The following BTBD9 variants were observed in gnomAD, a reference collection of about 807,000 sequenced individuals.
The protein encoded by BTBD9 is BTB/POZ domain-containing protein 9.
A neutral mutation model predicts 64.3 loss-of-function variants in BTBD9; 49 were observed. That is an observed-to-expected ratio of 0.76 (90% CI 0.61 to 0.97). The LOEUF is 0.97. Among genes scored for constraint, BTBD9 ranks in the 50% least tolerant of loss-of-function variants. The pLI, the probability that BTBD9 is intolerant of heterozygous loss-of-function variation, is 0.00. For synonymous variants in BTBD9, 260 were observed against 274.7 expected (o/e 0.95, Z 0.53); for missense variants, 598 against 762.1 (o/e 0.78, Z 2.53).
chr6:38,498,328 A>T (rs1004127717), intron 6 of BTBD9, among the ~76,000 whole-genome samples: 7 of 152,200 alleles, frequency 4.6e-5, no homozygotes, highest in African/African-American at 1.7e-4. Context: ...CATGGGCAAG[A>T]GAATGCTAAG....
chr6:38,593,544 C>T (rs1403715478), intron 3 of BTBD9, among the ~76,000 whole-genome samples: 1 of 152,178 alleles, frequency 6.6e-6, no homozygotes, highest in African/African-American at 2.4e-5. Flanking sequence ...GCAAAAAAAG[C>T]AGGGACTTAA....
intron 8 of BTBD9, among the ~76,000 whole-genome samples, chr6:38,277,277 A>G (rs1761305436): frequency 2.6e-5 from 4 of 152,168 alleles, no homozygotes; most frequent in Admixed American, 2.6e-4. Context: ...ATAATCAATG[A>G]AGCCTCTCAT....
At chr6:38,429,483 G>A (rs372249966) in intron 6 of BTBD9, among the ~76,000 whole-genome samples, 3 of 148,564 alleles carry the variant, frequency 2.0e-5, no homozygotes, top group African/African-American at 7.4e-5. Flanking sequence ...AAAGAAAAAC[G>A]GATTTGAATA....
chr6:38,241,062 C>CT (rs1763976603), intron 9 of BTBD9, among the ~76,000 whole-genome samples: 1 of 152,172 alleles, frequency 6.6e-6, no homozygotes, highest in African/African-American at 2.4e-5. Flanking sequence ...GGAGCCCCTC[C>CT]TTCTCCCACC....
At chr6:38,197,311 G>C (rs1418560834) in intron 9 of BTBD9, among the ~76,000 whole-genome samples, 1 of 152,218 alleles carries the variant, frequency 6.6e-6, no homozygotes, top group Non-Finnish European at 1.5e-5. Flanking sequence ...TGTCAGGATA[G>C]AGTCAGCAAT....
intron 8 of BTBD9, among the ~76,000 whole-genome samples, chr6:38,275,095 C>G (rs1375017879): frequency 1.3e-5 from 2 of 152,188 alleles, no homozygotes; most frequent in Non-Finnish European, 2.9e-5. Context: ...TGACTTCAAA[C>G]TATACTACAA....
At chr6:38,524,042 T>C (rs1026716117) in intron 6 of BTBD9, among the ~76,000 whole-genome samples, 1 of 152,202 alleles carries the variant, frequency 6.6e-6, no homozygotes, top group African/African-American at 2.4e-5. Flanking sequence ...TACTTATGTC[T>C]TTTCTCCCCA....
chr6:38,337,824 T>C (rs953567627), intron 7 of BTBD9, among the ~76,000 whole-genome samples: 4 of 152,216 alleles, frequency 2.6e-5, no homozygotes, highest in African/African-American at 9.6e-5. Context: ...CTTTGAAAAC[T>C]ACGGTTTCCC....
chr6:38,456,215 T>C (rs1011956714), intron 6 of BTBD9, among the ~76,000 whole-genome samples: 1 of 152,216 alleles, frequency 6.6e-6, no homozygotes, highest in African/African-American at 2.4e-5. Flanking sequence ...CTCAAACTCC[T>C]GACCTCAAGT....
chr6:38,586,988 A>AG (rs529577793), intron 4 of BTBD9, among the ~76,000 whole-genome samples: 1,623 of 152,016 alleles, frequency 0.011, 8 homozygotes, highest in Non-Finnish European at 0.017. Flanking sequence ...ACTTGAGCCC[A>AG]GGAGGCTGAG....
intron 9 of BTBD9, among the ~76,000 whole-genome samples, chr6:38,194,917 TAAG>T (rs1203773924): frequency 6.6e-6 from 1 of 151,840 alleles, no homozygotes; most frequent in African/African-American, 2.4e-5. Context: ...CTTTGAGGAG[TAAG>T]AAGATCAGAA....
chr6:38,364,991 G>A (rs1765130576), intron 6 of BTBD9, among the ~76,000 whole-genome samples: 1 of 152,072 alleles, frequency 6.6e-6, no homozygotes, highest in African/African-American at 2.4e-5. Flanking sequence ...AAAGTGCTTG[G>A]GGGAGACTGT....
chr6:38,516,428 C>T (rs899025776), intron 6 of BTBD9, among the ~76,000 whole-genome samples: 2 of 152,188 alleles, frequency 1.3e-5, no homozygotes, highest in Admixed American at 6.5e-5. Flanking sequence ...CTTCAGAACA[C>T]TTTCAAAAAT....
chr6:38,207,061 A>G (rs2127496599), intron 9 of BTBD9, among the ~76,000 whole-genome samples: 1 of 152,360 alleles, frequency 6.6e-6, no homozygotes, highest in East Asian at 1.9e-4. Context: ...ATGTGTTTGC[A>G]GCATAGGGAA....
At chr6:38,597,774 G>A (rs1284222842) in intron 2 of BTBD9, 136 bp downstream of exon 2, 1 of 736,118 alleles carries the variant, frequency 1.4e-6, no homozygotes, top group African/African-American at 1.8e-5. Flanking sequence ...CTACAAGGAT[G>A]AAATCTTCAT....
At chr6:38,287,082 CAAAAAAAAAA>C (rs60618390) in intron 8 of BTBD9, among the ~76,000 whole-genome samples, 6 of 25,364 alleles carry the variant, frequency 2.4e-4, no homozygotes, top group Non-Finnish European at 3.6e-4. Flanking sequence ...GGCTCCATCT[CAAAAAAAAAA>C]AAAAAAAAAA....
chr6:38,630,236 A>G (rs539520115), intron 1 of BTBD9, among the ~76,000 whole-genome samples: 81 of 151,932 alleles, frequency 5.3e-4, no homozygotes, highest in Non-Finnish European at 1.0e-3. Context: ...AAAGAAAAAA[A>G]GAAAAACTGA....
At chr6:38,450,194 T>C (rs1380920261) in intron 6 of BTBD9, among the ~76,000 whole-genome samples, 1 of 152,236 alleles carries the variant, frequency 6.6e-6, no homozygotes, top group African/African-American at 2.4e-5. Flanking sequence ...CTCACTCATA[T>C]GTGGAATCTA....
At chr6:38,601,965 T>C (rs910711358) in intron 1 of BTBD9, among the ~76,000 whole-genome samples, 3 of 152,196 alleles carry the variant, frequency 2.0e-5, no homozygotes, top group South Asian at 4.1e-4. Context: ...ATGTAACATG[T>C]AGTAATAAAC....
Sources: gnomAD v4.1 joint callset for allele counts (sites outside exome capture counted in the v4.1 genomes callset) on GRCh38, gnomAD v4.1.1 for gene constraint, MANE v1.5 for transcripts, NCBI Gene and HGNC (gene_info 2026-07-23, HGNC 2026-07-21) for gene names.